MGMT: variants seen among roughly 807,000 people sequenced by gnomAD.
MGMT encodes O-6-methylguanine-DNA methyltransferase, also known as methylated-DNA--protein-cysteine methyltransferase.
MGMT carries 14 observed loss-of-function variants against 15.9 expected under a neutral mutation model. That is an observed-to-expected ratio of 0.88 (90% CI 0.58 to 1.37). MGMT has a LOEUF of 1.37. Ranked by LOEUF, MGMT falls within the 40% of genes most tolerant of loss-of-function variation. MGMT has a pLI of 0.00. For missense variants in MGMT, 282 were observed against 268.1 expected, an observed-to-expected ratio of 1.05 and a Z score of -0.36; for synonymous variants, 130 against 118.2, an observed-to-expected ratio of 1.10 and a Z score of -0.65.
intron 2 of MGMT, among the ~76,000 whole-genome samples, chr10:129,549,356 A>T (rs867941573): frequency 2.6e-5 from 4 of 152,328 alleles, no homozygotes; most frequent in Middle Eastern, 6.8e-3. Context: ...GTGCTTAGAC[A>T]TAGTACCGTC....
At chr10:129,752,936 A>G (rs1168274232) in intron 3 of MGMT, among the ~76,000 whole-genome samples, 1 of 152,192 alleles carries the variant, frequency 6.6e-6, no homozygotes, top group Non-Finnish European at 1.5e-5. Flanking sequence ...TAGAGTAAGT[A>G]TATGGATAAC....
intron 2 of MGMT, among the ~76,000 whole-genome samples, chr10:129,545,300 T>C (rs1589859504): frequency 1.3e-5 from 2 of 152,222 alleles, no homozygotes; most frequent in Admixed American, 6.5e-5. Context: ...ACCATCCTGA[T>C]TGGGATTTGG....
At chr10:129,649,978 G>A (rs1053770058) in intron 2 of MGMT, among the ~76,000 whole-genome samples, 8 of 152,148 alleles carry the variant, frequency 5.3e-5, no homozygotes, top group Non-Finnish European at 8.8e-5. Flanking sequence ...AGCATCTAGA[G>A]AGGGTCCCTT....
At chr10:129,712,869 G>GT in intron 3 of MGMT, among the ~76,000 whole-genome samples, 1 of 152,170 alleles carries the variant, frequency 6.6e-6, no homozygotes, top group South Asian at 2.1e-4. Flanking sequence ...GCCCACCCCT[G>GT]ATGGGTGCCC....
intron 1 of MGMT, 130 bp downstream of exon 1, chr10:129,467,426 C>T (rs1845181184): frequency 7.3e-6 from 10 of 1,367,964 alleles, no homozygotes; most frequent in Non-Finnish European, 8.5e-6. Context: ...CCCCACCCAT[C>T]CCGGGCGAGC....
chr10:129,696,935 G>C (rs536157893), intron 2 of MGMT, among the ~76,000 whole-genome samples: 2 of 152,236 alleles, frequency 1.3e-5, no homozygotes, highest in East Asian at 3.9e-4. Flanking sequence ...TAGGGGACAC[G>C]GCAGGCCGGG....
chr10:129,633,278 A>C (rs1292903654), intron 2 of MGMT, among the ~76,000 whole-genome samples: 1 of 152,228 alleles, frequency 6.6e-6, no homozygotes, highest in Non-Finnish European at 1.5e-5. Context: ...AACACTAGTG[A>C]GATCGTTTAG....
chr10:129,735,443 TTCTC>T (rs997374720), intron 3 of MGMT, among the ~76,000 whole-genome samples: 6 of 152,344 alleles, frequency 3.9e-5, no homozygotes, highest in African/African-American at 1.4e-4. Flanking sequence ...TATTTGATTC[TTCTC>T]TCTCTTTTTC....
At chr10:129,519,313 G>T (rs1166414760) in intron 1 of MGMT, among the ~76,000 whole-genome samples, 3 of 152,200 alleles carry the variant, frequency 2.0e-5, no homozygotes, top group Non-Finnish European at 1.5e-5. Context: ...GGCTTCAGCT[G>T]CAGGATTAGA....
At chr10:129,526,451 C>T (rs909935205) in intron 1 of MGMT, among the ~76,000 whole-genome samples, 1 of 152,110 alleles carries the variant, frequency 6.6e-6, no homozygotes, top group Non-Finnish European at 1.5e-5. Context: ...ACCCGAAGCC[C>T]AGGCCACAAG....
intron 2 of MGMT, among the ~76,000 whole-genome samples, chr10:129,671,479 G>A (rs1385371025): frequency 6.6e-6 from 1 of 151,796 alleles, no homozygotes; most frequent in Non-Finnish European, 1.5e-5. Context: ...ACACTCATTT[G>A]TTTATGTCTT....
At chr10:129,539,460 C>G (rs1846021255) in intron 2 of MGMT, among the ~76,000 whole-genome samples, 1 of 152,064 alleles carries the variant, frequency 6.6e-6, no homozygotes, top group Admixed American at 6.6e-5. Flanking sequence ...TGTTCTATGC[C>G]CGTTCCATGC....
At chr10:129,635,275 C>T (rs183930158) in intron 2 of MGMT, among the ~76,000 whole-genome samples, 79 of 152,322 alleles carry the variant, frequency 5.2e-4, no homozygotes, top group African/African-American at 1.8e-3. Flanking sequence ...TCTCAGGATT[C>T]CTCTTTCTGA....
chr10:129,495,713 T>C (rs948918525), intron 1 of MGMT, among the ~76,000 whole-genome samples: 1 of 152,220 alleles, frequency 6.6e-6, no homozygotes, highest in African/African-American at 2.4e-5. Flanking sequence ...GTGTATGGAA[T>C]CTGGCCCGTC....
intron 2 of MGMT, among the ~76,000 whole-genome samples, chr10:129,703,661 A>G (rs1315535367): frequency 6.6e-6 from 1 of 151,116 alleles, no homozygotes; most frequent in African/African-American, 2.5e-5. Flanking sequence ...CCTGTGCTCC[A>G]CTCCATCCTC....
chr10:129,542,450 A>G (rs1564847081), intron 2 of MGMT, among the ~76,000 whole-genome samples: 1 of 152,128 alleles, frequency 6.6e-6, no homozygotes. Context: ...TCACGTTACT[A>G]TAATTGATCT....
intron 2 of MGMT, among the ~76,000 whole-genome samples, chr10:129,692,594 C>T (rs547769320): frequency 2.9e-4 from 44 of 152,268 alleles, no homozygotes; most frequent in African/African-American, 9.9e-4. Flanking sequence ...CAAGTGGTGA[C>T]GTGGAATGCC....
At position 129,750,420 on chromosome 10, in the gene MGMT, G is replaced by A. The variant is rs145489846; in HGVS notation, c.275-8782G>A. On this transcript the variant is annotated intron_variant, in intron 3 of 4. Transcript: ENST00000651593. ...TTTTTTGTCAAAGATCTTTGTCAAA[G>A]TCTAAATTTGGCCCTTGTATTTATG... 9.1e-3 allele frequency among the ~76,000 whole-genome samples: 1,387 copies of A among 152,114 alleles called. 21 individuals carry two copies. The highest frequency in any genetic ancestry group is 0.032 in the African/African-American group (1,334 of 41,526).
chr10:129,650,290 A>G (rs569740038), intron 2 of MGMT, among the ~76,000 whole-genome samples: 1 of 152,108 alleles, frequency 6.6e-6, no homozygotes, highest in African/African-American at 2.4e-5. Flanking sequence ...AACGCAAAGC[A>G]GGTGTTGTTG....
Sources: gnomAD v4.1 joint callset for allele counts (sites outside exome capture counted in the v4.1 genomes callset) on GRCh38, gnomAD v4.1.1 for gene constraint, MANE v1.5 for transcripts, NCBI Gene and HGNC (gene_info 2026-07-23, HGNC 2026-07-21) for gene names.